Variants in RGS6 observed in about 807,000 individuals in gnomAD.
RGS6 encodes regulator of G-protein signaling 6.
RGS6 carries 30 observed loss-of-function variants against 78.5 expected under a neutral mutation model. That is an observed-to-expected ratio of 0.38 (90% CI 0.29 to 0.52). The LOEUF (loss-of-function observed/expected upper bound fraction) is 0.52, where lower values mean the gene tolerates loss of function less well. Ranked by LOEUF, RGS6 falls within the 20% of genes least tolerant of loss-of-function variation. RGS6 has a pLI of 0.85. For synonymous variants in RGS6, 206 were observed against 206.0 expected (o/e 1.00, Z 0.00); for missense variants, 495 against 609.7 (o/e 0.81, Z 1.98).
At chr14:72,603,949 AGGAGTTATCTTTCT>A in the RGS6 span, among the ~76,000 whole-genome samples, 2 of 152,220 alleles carry the variant, frequency 1.3e-5, no homozygotes, top group Non-Finnish European at 2.9e-5. Flanking sequence ...CAGAAGTTTA[AGGAGTTATCTTTCT>A]GGACACTGCA....
chr14:72,394,065 C>T (rs1416141837), intron 3 of RGS6, among the ~76,000 whole-genome samples: 1 of 152,138 alleles, frequency 6.6e-6, no homozygotes, highest in African/African-American at 2.4e-5. Context: ...ATTCAACCTA[C>T]AGTCTGTCCT....
intron 16 of RGS6, among the ~76,000 whole-genome samples, chr14:72,538,604 C>T (rs529535718): frequency 2.0e-5 from 3 of 152,302 alleles, no homozygotes; most frequent in East Asian, 3.9e-4. Context: ...AGCTGCAGGG[C>T]CCAGGACTGG....
intron 1 of RGS6, among the ~76,000 whole-genome samples, chr14:71,939,232 C>T (rs973060205): frequency 1.3e-5 from 2 of 152,180 alleles, no homozygotes; most frequent in African/African-American, 4.8e-5. Flanking sequence ...AGCAACTTAT[C>T]CTTCACCTTA....
chr14:72,076,840 C>A (rs1056880721), intron 2 of RGS6, among the ~76,000 whole-genome samples: 1 of 151,870 alleles, frequency 6.6e-6, no homozygotes, highest in African/African-American at 2.4e-5. Flanking sequence ...CCTATGTATA[C>A]ATAATTAGGC....
At chr14:72,136,926 A>T (rs1395098568) in intron 2 of RGS6, among the ~76,000 whole-genome samples, 1 of 152,186 alleles carries the variant, frequency 6.6e-6, no homozygotes, top group Admixed American at 6.5e-5. Context: ...CTCCCTGGAG[A>T]TATGTTATCC....
intron 2 of RGS6, among the ~76,000 whole-genome samples, chr14:71,981,245 G>A (rs2094436096): frequency 6.6e-6 from 1 of 151,950 alleles, no homozygotes; most frequent in African/African-American, 2.4e-5. Context: ...ATCGTCTGAA[G>A]CCTTCTTCTC....
At chr14:72,042,321 G>T (rs1236839407) in intron 2 of RGS6, among the ~76,000 whole-genome samples, 1 of 151,786 alleles carries the variant, frequency 6.6e-6, no homozygotes, top group Non-Finnish European at 1.5e-5. Context: ...TAGAGATGGG[G>T]TTTCACCATG....
At chr14:72,000,759 A>C (rs1238826578) in intron 2 of RGS6, among the ~76,000 whole-genome samples, 1 of 152,198 alleles carries the variant, frequency 6.6e-6, no homozygotes, top group Admixed American at 6.5e-5. Flanking sequence ...AGGTCAAGAA[A>C]TACTCGAAAA....
intron 2 of RGS6, among the ~76,000 whole-genome samples, chr14:71,981,978 T>C (rs2094484702): frequency 6.6e-6 from 1 of 152,090 alleles, no homozygotes; most frequent in Non-Finnish European, 1.5e-5. Flanking sequence ...GTGTGGGATA[T>C]AATCTCGTGG....
In RGS6 at chr14:72,519,470, G is replaced by A. The variant is rs563433850; in HGVS notation, c.1278+933G>A. Among the ~76,000 whole-genome samples the A allele has an allele frequency of 2.0e-5, 3 of 152,302 alleles. No homozygotes were observed. In the South Asian group the frequency reaches 6.2e-4, roughly 32 times the overall value. ...TTGCAGACATTATTATCTGATTTAG[G>A]AAACTCAGTGTAGCTGCACCAATGC... On this transcript the variant is annotated intron_variant, in intron 15 of 17. Coordinates refer to ENST00000553525, the MANE Select transcript of RGS6 (RefSeq NM_001204424.2).
At chr14:72,292,700 C>T (rs2063828236) in intron 2 of RGS6, among the ~76,000 whole-genome samples, 1 of 152,160 alleles carries the variant, frequency 6.6e-6, no homozygotes, top group African/African-American at 2.4e-5. Flanking sequence ...TTCACATAAG[C>T]AAGATGTTAC....
At chr14:71,972,647 G>T (rs926612827) in intron 2 of RGS6, among the ~76,000 whole-genome samples, 1 of 152,120 alleles carries the variant, frequency 6.6e-6, no homozygotes, top group Non-Finnish European at 1.5e-5. Flanking sequence ...GATGTGGAAG[G>T]GTTCGGTGTG....
intron 2 of RGS6, among the ~76,000 whole-genome samples, chr14:72,008,761 A>C (rs1489732159): frequency 6.6e-6 from 1 of 152,166 alleles, no homozygotes; most frequent in East Asian, 1.9e-4. Flanking sequence ...GTTCCAATCA[A>C]GGCTTCAGAT....
At position 72,290,070 on chromosome 14, in the gene RGS6, G is replaced by T. The variant is rs1222331827; in HGVS notation, c.85-62025G>T. Among the ~76,000 whole-genome samples, 3 of 152,108 alleles carry T rather than the reference G, an allele frequency of 2.0e-5. No homozygotes were observed. The East Asian group carries it at 5.8e-4, about 29-fold the overall frequency. ...AAAAGAGAATGAAAAGTTCATTTTG[G>T]CATGGTGAATCATAAATAAGAAAAA... On this transcript the variant is annotated intron_variant, in intron 2 of 17. Transcript: ENST00000553525.
At chr14:72,441,949 T>G (rs2095218646) in intron 3 of RGS6, among the ~76,000 whole-genome samples, 1 of 152,194 alleles carries the variant, frequency 6.6e-6, no homozygotes. Flanking sequence ...CGAGGCAGCC[T>G]GCAGGAAAGG....
At chr14:72,510,651 T>G (rs4419001) in intron 14 of RGS6, among the ~76,000 whole-genome samples, 1 of 152,120 alleles carries the variant, frequency 6.6e-6, no homozygotes, top group Admixed American at 6.5e-5. Context: ...AACTTCCCAG[T>G]CTGGGGTCCT....
rs367903940 is a variant in RGS6 at position 72,273,048 on chromosome 14, T to TGAGGTTGCAGTGAGTG, written c.85-79032_85-79017dup. Among the ~76,000 whole-genome samples, 991 of 151,270 alleles carry TGAGGTTGCAGTGAGTG rather than the reference T, an allele frequency of 6.6e-3. 8 individuals carry two copies. Among genetic ancestry groups the TGAGGTTGCAGTGAGTG allele is most frequent in the African/African-American group, 0.022 (923 of 41,172 alleles). Reference sequence around the variant, plus strand: ...GGAGAATCTCTTGAACCTGGGAAGCTGAGGTTGCAGTGAGTGGAGGTTGCA... The same window carrying TGAGGTTGCAGTGAGTG: ...GGAGAATCTCTTGAACCTGGGAAGCTGAGGTTGCAGTGAGTGGAGGTTGCAGTGAGTGGAGGTTGCA... On this transcript the variant is annotated intron_variant, in intron 2 of 17. Coordinates refer to ENST00000553525, the MANE Select transcript of RGS6 (RefSeq NM_001204424.2).
At chr14:72,128,001 G>T (rs1190573398) in intron 2 of RGS6, among the ~76,000 whole-genome samples, 1 of 152,074 alleles carries the variant, frequency 6.6e-6, no homozygotes, top group Non-Finnish European at 1.5e-5. Context: ...TCAAGGGCTT[G>T]TTCCTTTTTA....
chr14:72,128,725 G>T (rs1384761684), intron 2 of RGS6, among the ~76,000 whole-genome samples: 1 of 152,184 alleles, frequency 6.6e-6, no homozygotes, highest in Non-Finnish European at 1.5e-5. Flanking sequence ...TAGGAAATCA[G>T]TTGAAAGATG....
Sources: allele counts gnomAD v4.1 joint callset (sites outside exome capture counted in the v4.1 genomes callset), GRCh38; gene constraint gnomAD v4.1.1; transcripts MANE v1.5; gene names NCBI Gene and HGNC (gene_info 2026-07-23, HGNC 2026-07-21).